The following OPRM1 variants were observed in gnomAD, a reference collection of about 807,000 sequenced individuals.
OPRM1 encodes the protein mu-type opioid receptor.
A neutral mutation model predicts 31.8 loss-of-function variants in OPRM1; 27 were observed. That is an observed-to-expected ratio of 0.85 (90% CI 0.63 to 1.17). OPRM1 has a LOEUF of 1.17. OPRM1 is among the 50% of genes most tolerant of loss of function. The pLI is 0.00. For synonymous variants in OPRM1, 196 were observed against 189.9 expected, an observed-to-expected ratio of 1.03 and a Z score of -0.26; for missense variants, 536 against 511.1, an observed-to-expected ratio of 1.05 and a Z score of -0.47.
At chr6:154,156,417 G>A (rs56089459) in intron 3 of OPRM1, 10,018 of 152,276 alleles carry the variant, frequency 0.066, 960 homozygotes, top group African/African-American at 0.21. Flanking sequence ...GGTGGGGGGC[G>A]GAGAGGAGGA....
intron 3 of OPRM1, among the ~76,000 whole-genome samples, chr6:154,172,145 T>C (rs1799924503): frequency 6.6e-6 from 1 of 152,196 alleles, no homozygotes; most frequent in African/African-American, 2.4e-5. Context: ...TGTAATTATG[T>C]CACAGTAAAA....
intron 3 of OPRM1, chr6:154,108,081 T>C: frequency 1.6e-6 from 1 of 643,208 alleles, no homozygotes. Flanking sequence ...GCCAGGCTTC[T>C]GGGTTCCCTT....
At position 154,071,890 on chromosome 6, in the gene OPRM1, A is replaced by G. The variant is rs6909671; in HGVS notation, c.291-17936A>G. ...TATCTCTTTTCCAGGCATGGTTACA[A>G]AGTTAACTTGTTTTTGTCTTGTTGC... On this transcript the variant is annotated intron_variant, in intron 1 of 3. Coordinates refer to ENST00000330432, the MANE Select transcript of OPRM1 (RefSeq NM_000914.5). Among the ~76,000 whole-genome samples the G allele has an allele frequency of 9.6e-3, 1,465 of 152,254 alleles. 19 individuals carry two copies. The highest frequency in any genetic ancestry group is 0.032 in the African/African-American group (1,339 of 41,542).
At chr6:154,029,842 TCTC>T (rs944650105) in intron 1 of OPRM1, among the ~76,000 whole-genome samples, 1 of 152,142 alleles carries the variant, frequency 6.6e-6, no homozygotes, top group Admixed American at 6.5e-5. Flanking sequence ...GCTCTCCACT[TCTC>T]CTTGCCGCTG....
intron 3 of OPRM1, among the ~76,000 whole-genome samples, chr6:154,229,037 T>G (rs1171087696): frequency 6.6e-6 from 1 of 152,212 alleles, no homozygotes; most frequent in Non-Finnish European, 1.5e-5. Context: ...TTTCCAAAAC[T>G]TTTTCCCTAT....
intron 1 of OPRM1, among the ~76,000 whole-genome samples, chr6:154,088,110 A>G (rs1000240527): frequency 1.3e-5 from 2 of 152,156 alleles, no homozygotes; most frequent in South Asian, 2.1e-4. Context: ...AGATGAATGC[A>G]TAAGTAATAC....
chr6:154,016,852 C>T (rs1393268195), intron 1 of OPRM1, among the ~76,000 whole-genome samples: 4 of 152,124 alleles, frequency 2.6e-5, no homozygotes, highest in Admixed American at 1.3e-4. Context: ...GAGAGTTTCT[C>T]AATTGGAAAT....
chr6:154,236,297 A>C (rs1317649030), intron 3 of OPRM1, among the ~76,000 whole-genome samples: 1 of 152,238 alleles, frequency 6.6e-6, no homozygotes, highest in African/African-American at 2.4e-5. Context: ...CAGTCACAAA[A>C]GGATAAATAT....
At chr6:154,017,649 G>T (rs542590350) in intron 1 of OPRM1, among the ~76,000 whole-genome samples, 8 of 152,216 alleles carry the variant, frequency 5.3e-5, no homozygotes, top group African/African-American at 1.9e-4. Context: ...TATGAGAAGG[G>T]ATAAAGGGAA....
At chr6:154,172,652 A>T (rs1266319225) in intron 3 of OPRM1, among the ~76,000 whole-genome samples, 4 of 152,234 alleles carry the variant, frequency 2.6e-5, no homozygotes, top group Non-Finnish European at 5.9e-5. Flanking sequence ...ACAAAGCAGC[A>T]GGGAAGCTCG....
At chr6:154,018,324 G>T (rs1188929356) in intron 1 of OPRM1, among the ~76,000 whole-genome samples, 1 of 152,106 alleles carries the variant, frequency 6.6e-6, no homozygotes, top group African/African-American at 2.4e-5. Flanking sequence ...GGAGGCTGAG[G>T]AACGAGAATC....
chr6:154,232,170 G>A (rs1779773952), intron 3 of OPRM1, among the ~76,000 whole-genome samples: 1 of 152,040 alleles, frequency 6.6e-6, no homozygotes, highest in African/African-American at 2.4e-5. Context: ...AAGGAAATAC[G>A]AAGATTAGCA....
intron 3 of OPRM1, among the ~76,000 whole-genome samples, chr6:154,143,320 C>T (rs985405887): frequency 4.6e-5 from 7 of 152,232 alleles, no homozygotes; most frequent in East Asian, 1.9e-4. Context: ...CCATCTATAC[C>T]GATACCTCAA....
chr6:154,242,887 CAAAGAAAAGA>C (rs10692865), intron 3 of OPRM1, among the ~76,000 whole-genome samples: 2 of 151,462 alleles, frequency 1.3e-5, no homozygotes, highest in Non-Finnish European at 2.9e-5. Context: ...GACTCCGTCT[CAAAGAAAAGA>C]AAAGAAAAGT....
chr6:154,133,758 A>C (rs1358333422), downstream of OPRM1, among the ~76,000 whole-genome samples: 2 of 152,232 alleles, frequency 1.3e-5, no homozygotes, highest in African/African-American at 4.8e-5. Flanking sequence ...ATTCTGTTTT[A>C]GATACTGTGC....
At chr6:154,183,417 A>G (rs1801071139) in intron 3 of OPRM1, among the ~76,000 whole-genome samples, 1 of 152,256 alleles carries the variant, frequency 6.6e-6, no homozygotes, top group South Asian at 2.1e-4. Flanking sequence ...TAAAGATAGT[A>G]CTTCTTGCCA....
chr6:154,079,945 C>T (rs1788723579), intron 1 of OPRM1, among the ~76,000 whole-genome samples: 1 of 152,160 alleles, frequency 6.6e-6, no homozygotes, highest in Non-Finnish European at 1.5e-5. Context: ...AAATGGTAGG[C>T]CGCATACTTT....
intron 3 of OPRM1, among the ~76,000 whole-genome samples, chr6:154,166,658 C>T (rs1267445012): frequency 6.6e-6 from 1 of 152,142 alleles, no homozygotes; most frequent in African/African-American, 2.4e-5. Context: ...TGTTTCTACA[C>T]CGGTAGAGTC....
chr6:154,224,466 G>A (rs1269538978), intron 3 of OPRM1, among the ~76,000 whole-genome samples: 1 of 152,118 alleles, frequency 6.6e-6, no homozygotes, highest in Non-Finnish European at 1.5e-5. Flanking sequence ...CCAGCACTTT[G>A]GGAGGCTGAG....
Sources: gnomAD v4.1 joint callset for allele counts (sites outside exome capture counted in the v4.1 genomes callset) on GRCh38, gnomAD v4.1.1 for gene constraint, MANE v1.5 for transcripts, NCBI Gene and HGNC (gene_info 2026-07-23, HGNC 2026-07-21) for gene names.